Variants in ELMO1 observed in about 807,000 individuals in gnomAD.
ELMO1 encodes the protein engulfment and cell motility protein 1.
In ELMO1, 26 loss-of-function variants were observed where a neutral mutation model predicts 98.9. The observed-to-expected ratio is 0.26, with a 90% CI of 0.19 to 0.36. ELMO1 has a LOEUF of 0.36. Among genes scored for constraint, ELMO1 ranks in the 10% least tolerant of loss-of-function variants. The pLI, the probability that ELMO1 is intolerant of heterozygous loss-of-function variation, is 1.00. For synonymous variants in ELMO1, 346 were observed against 346.0 expected, an observed-to-expected ratio of 1.00 and a Z score of 0.00; for missense variants, 627 against 935.2, an observed-to-expected ratio of 0.67 and a Z score of 4.30.
At chr7:36,902,250 T>C (rs1464574707) in intron 16 of ELMO1, among the ~76,000 whole-genome samples, 6 of 152,216 alleles carry the variant, frequency 3.9e-5, no homozygotes, top group Non-Finnish European at 8.8e-5. Context: ...AAAAAGCTTC[T>C]CTGCATTTCA....
chr7:37,180,883 G>C lies in ELMO1; in HGVS notation c.1086+30503C>G, dbSNP rs539553488. 1.1e-4 allele frequency among the ~76,000 whole-genome samples: 16 copies of C among 151,954 alleles called. No individual in the cohort carries two copies. In the South Asian group the frequency reaches 3.3e-3, roughly 32 times the overall value. On this transcript the variant is annotated intron_variant, in intron 13 of 21. Coordinates refer to ENST00000310758, the MANE Select transcript of ELMO1 (RefSeq NM_014800.11). ...AAAGCAAACACCAGGGAGGAAATGA[G>C]GCAAAACATCAACAGTGAATATATC...
chr7:37,050,609 A>AACACACACACACACACAC (rs60918785), intron 15 of ELMO1, among the ~76,000 whole-genome samples: 1 of 129,534 alleles, frequency 7.7e-6, no homozygotes, highest in Admixed American at 7.7e-5. Flanking sequence ...AGGTGCTCTG[A>AACACACACACACACACAC]ACACACACAC....
At chr7:37,373,481 T>C (rs1802200880) in intron 1 of ELMO1, among the ~76,000 whole-genome samples, 2 of 151,862 alleles carry the variant, frequency 1.3e-5, no homozygotes, top group African/African-American at 4.8e-5. Context: ...TGGTGGCACA[T>C]GCCTGTAATC....
chr7:37,015,929 C>T (rs1045601789), intron 15 of ELMO1, among the ~76,000 whole-genome samples: 6 of 152,140 alleles, frequency 3.9e-5, no homozygotes, highest in African/African-American at 1.4e-4. Context: ...TTTTGACTTG[C>T]GATACAAAGC....
chr7:36,903,859 C>T (rs114172355), intron 16 of ELMO1, among the ~76,000 whole-genome samples: 81 of 152,366 alleles, frequency 5.3e-4, no homozygotes, highest in African/African-American at 1.9e-3. Context: ...TGATCTTCAA[C>T]TGCTCCCGAC....
intron 15 of ELMO1, among the ~76,000 whole-genome samples, chr7:37,067,191 G>A (rs1184500558): frequency 6.6e-6 from 1 of 152,168 alleles, no homozygotes; most frequent in Non-Finnish European, 1.5e-5. Context: ...ATTACTGAGG[G>A]TGGCACGCAA....
intron 7 of ELMO1, among the ~76,000 whole-genome samples, chr7:37,241,601 T>C (rs992756801): frequency 6.6e-6 from 1 of 152,206 alleles, no homozygotes; most frequent in African/African-American, 2.4e-5. Context: ...TCTTTTGAAT[T>C]AATCAAATTT....
intron 15 of ELMO1, among the ~76,000 whole-genome samples, chr7:37,023,653 G>A (rs1794406763): frequency 6.6e-6 from 1 of 152,124 alleles, no homozygotes; most frequent in Non-Finnish European, 1.5e-5. Flanking sequence ...TGTCACCCAG[G>A]CTGGAGTACA....
chr7:37,004,813 T>C (rs191662233), intron 16 of ELMO1, among the ~76,000 whole-genome samples: 371 of 152,250 alleles, frequency 2.4e-3, no homozygotes, highest in Non-Finnish European at 4.4e-3. Flanking sequence ...TTAACCATTT[T>C]TATGAAAATT....
At chr7:37,134,035 A>G (rs2064992443) in intron 13 of ELMO1, among the ~76,000 whole-genome samples, 1 of 152,248 alleles carries the variant, frequency 6.6e-6, no homozygotes, top group African/African-American at 2.4e-5. Context: ...GTCAGTAATC[A>G]TCAGAGAAAT....
At chr7:37,345,933 G>A (rs1479619574) in intron 1 of ELMO1, among the ~76,000 whole-genome samples, 2 of 150,848 alleles carry the variant, frequency 1.3e-5, no homozygotes, top group Non-Finnish European at 2.9e-5. Context: ...AGCTTGCAGT[G>A]AGCCGAGATC....
chr7:37,398,681 T>C (rs997485661), intron 1 of ELMO1, among the ~76,000 whole-genome samples: 3 of 152,126 alleles, frequency 2.0e-5, no homozygotes, highest in Admixed American at 2.0e-4. Flanking sequence ...TGCTATCGTC[T>C]CATCCTAAGT....
intron 16 of ELMO1, among the ~76,000 whole-genome samples, chr7:36,913,414 G>C (rs1464358148): frequency 6.6e-6 from 1 of 152,150 alleles, no homozygotes; most frequent in Non-Finnish European, 1.5e-5. Context: ...GGCAAAATTT[G>C]GAGGTGAAAA....
chr7:37,102,994 T>C (rs1563002408), intron 14 of ELMO1, among the ~76,000 whole-genome samples: 1 of 152,206 alleles, frequency 6.6e-6, no homozygotes, highest in Non-Finnish European at 1.5e-5. Context: ...CTTGGTGACT[T>C]TGTACATATC....
intron 16 of ELMO1, among the ~76,000 whole-genome samples, chr7:36,998,723 G>C (rs1792406959): frequency 6.6e-6 from 1 of 152,002 alleles, no homozygotes. Context: ...AGTGACTTTT[G>C]TGGCTAAAGA....
chr7:37,335,586 A>C (rs1413431231), intron 2 of ELMO1, among the ~76,000 whole-genome samples: 1 of 152,214 alleles, frequency 6.6e-6, no homozygotes, highest in Middle Eastern at 3.2e-3. Flanking sequence ...AACTTTTTTC[A>C]AACAAAATCT....
chr7:37,076,635 CA>C lies in ELMO1; in HGVS notation c.1300+19983del, dbSNP rs558348746. ...TATGATTCTAACTTTTCCTCAAGGT[CA>C]GGGGCAGCAAAGAATCTGGGGCTCC... On this transcript the variant is annotated intron_variant, in intron 15 of 21. Coordinates refer to ENST00000310758, the MANE Select transcript of ELMO1 (RefSeq NM_014800.11). Among the ~76,000 whole-genome samples the C allele has an allele frequency of 9.2e-5, 14 of 152,312 alleles. No homozygotes were observed. In the South Asian group the frequency reaches 2.7e-3, roughly 29 times the overall value.
intron 1 of ELMO1, among the ~76,000 whole-genome samples, chr7:37,424,400 T>C (rs1804621504): frequency 6.6e-6 from 1 of 152,194 alleles, no homozygotes; most frequent in Admixed American, 6.5e-5. Flanking sequence ...AGGGATTCAG[T>C]ATCCCACAGT....
At chr7:37,202,695 A>C (rs1792366032) in intron 13 of ELMO1, among the ~76,000 whole-genome samples, 1 of 152,208 alleles carries the variant, frequency 6.6e-6, no homozygotes, top group Admixed American at 6.5e-5. Flanking sequence ...ATCTGTAGAA[A>C]TTATTTAGCT....
Sources: gnomAD v4.1 joint callset for allele counts (sites outside exome capture counted in the v4.1 genomes callset) on GRCh38, gnomAD v4.1.1 for gene constraint, MANE v1.5 for transcripts, NCBI Gene and HGNC (gene_info 2026-07-23, HGNC 2026-07-21) for gene names.